Variants in RPL6 observed in about 807,000 individuals in gnomAD.
RPL6 encodes the protein ribosomal protein L6, also known as large ribosomal subunit protein eL6.
A neutral mutation model predicts 32.1 loss-of-function variants in RPL6; 1 was observed. That is an observed-to-expected ratio of 0.03 (90% CI 0.01 to 0.15). RPL6 has a LOEUF of 0.15. Among genes scored for constraint, RPL6 ranks in the 10% least tolerant of loss-of-function variants. The pLI is 1.00. For synonymous variants in RPL6, 126 were observed against 131.6 expected, an observed-to-expected ratio of 0.96 and a Z score of 0.29; for missense variants, 275 against 354.6, an observed-to-expected ratio of 0.78 and a Z score of 1.80.
intron 3 of RPL6, 67 bp from the exon 4 acceptor site, chr12:112,406,957 C>A: frequency 6.5e-7 from 1 of 1,547,232 alleles, no homozygotes; most frequent in South Asian, 1.2e-5. Context: ...CAAGCTATGT[C>A]AGCCAAACTT....
intron 5 of RPL6, 90 bp from the exon 6 acceptor site, chr12:112,406,127 AAAG>A (rs1167549073): frequency 2.4e-5 from 31 of 1,296,534 alleles, no homozygotes; most frequent in African/African-American, 8.9e-5. Context: ...GTTGCTACAC[AAAG>A]AAGACCACTT....
In RPL6 at chr12:112,408,338, C is replaced by A. The variant is rs778828793; in HGVS notation, c.238G>T (p.Val80Phe). 55 of 1,614,020 alleles carry A rather than the reference C, an allele frequency of 3.4e-5. No individual in the cohort carries two copies. Among genetic ancestry groups the A allele is most frequent in the Non-Finnish European group, 4.5e-5 (53 of 1,180,020 alleles). ...KRKYSAAKSK[V>F]EKKKKEKVLA... is the part of the protein sequence containing the mutation. ...ACCTTCTCCTTCTTTTTCTTTTCAA[C>A]CTACAAGGACACAAATGCATCAACA... is the stretch of plus-strand genomic sequence containing the variant. The change falls in exon 3 of 7, where the codon GTT (valine) becomes TTT (phenylalanine). Residue 80 changes from valine to phenylalanine, a missense_variant and splice_region_variant. Transcript: ENST00000202773.
At chr12:112,407,888 T>C (rs1296787106) in intron 3 of RPL6, 10 of 209,090 alleles carry the variant, frequency 4.8e-5, no homozygotes, top group South Asian at 2.1e-4. Context: ...ACCAGCTAAT[T>C]TGTATATTTT....
At chr12:112,411,508 G>A (rs1210658300), upstream of RPL6, 1 of 152,152 alleles carries the variant, frequency 6.6e-6, no homozygotes, top group Non-Finnish European at 1.5e-5. Flanking sequence ...AATGTCAGCA[G>A]CTTTATTTGT....
chr12:112,406,483 C>CA (rs2037172416), intron 4 of RPL6, 141 bp from the exon 5 acceptor site: 1 of 818,102 alleles, frequency 1.2e-6, no homozygotes, highest in Admixed American at 2.6e-5. Context: ...GAAGCAACCA[C>CA]AGCAAGCTAC....
chr12:112,409,607 A>G (rs778500785), upstream of RPL6: 19 of 398,128 alleles, frequency 4.8e-5, 1 homozygote, highest in South Asian at 1.0e-3. Context: ...GGGAAAGAGA[A>G]TTAAGGTCCC....
intron 3 of RPL6, chr12:112,407,264 A>G (rs934487018): frequency 5.8e-6 from 1 of 172,108 alleles, no homozygotes; most frequent in African/African-American, 2.4e-5. Flanking sequence ...TATCCTAGCC[A>G]CTTCATCTGA....
At chr12:112,414,801 A>C (rs1191575739), upstream of RPL6, among the ~76,000 whole-genome samples, 1 of 151,956 alleles carries the variant, frequency 6.6e-6, no homozygotes, top group Non-Finnish European at 1.5e-5. Context: ...GCTACTTGGG[A>C]GGCTGAGGCA....
At chr12:112,414,014 G>C (rs970032305), upstream of RPL6, among the ~76,000 whole-genome samples, 1 of 152,202 alleles carries the variant, frequency 6.6e-6, no homozygotes, top group South Asian at 2.1e-4. Flanking sequence ...AGGAGCATAG[G>C]AAAGGAGTCT....
At chr12:112,410,724 C>T (rs1225904531), upstream of RPL6, among the ~76,000 whole-genome samples, 2 of 151,726 alleles carry the variant, frequency 1.3e-5, no homozygotes, top group East Asian at 1.9e-4. Flanking sequence ...CAGGCGCACA[C>T]CACCATGCCC....
Position 112,408,432 on chromosome 12 carries a change from G to A in RPL6, c.225C>T (p.Ala75=), listed in dbSNP as rs371531172. ...RKAMYKRKYS[A]AKSKVEKKKK... ...CCTCTTCCCTTACCTTGGATTTAGC[G>A]GCTGAGTACTTCCTCTTGTACATGG... The change falls in exon 2 of 7, where the codon GCC becomes GCT. Residue 75 remains alanine, a synonymous_variant. Coordinates refer to ENST00000202773, the MANE Select transcript of RPL6 (RefSeq NM_000970.6). The A allele has an allele frequency of 6.8e-6, 11 of 1,614,004 alleles. No homozygotes were observed. The highest frequency in any genetic ancestry group is 3.3e-5 in the Admixed American group (2 of 59,990).
chr12:112,405,269 C>T lies in RPL6; in HGVS notation c.822G>A (p.Val274=), dbSNP rs781434101. Residue 274 remains valine (V), a synonymous_variant, in exon 7 of 7, where the codon GTG becomes GTA. Coordinates refer to ENST00000202773, the MANE Select transcript of RPL6 (RefSeq NM_000970.6). ...IPQLQGYLRS[V]FALTNGIYPH... ...GATAAATTCCATTCGTCAGAGCAAACACAGATCGCAGGTAGCCCTGGAGCT... is the reference window on the plus strand; with the variant it reads ...GATAAATTCCATTCGTCAGAGCAAATACAGATCGCAGGTAGCCCTGGAGCT... 6.8e-6 allele frequency: 11 copies of T among 1,606,542 alleles called. No individual in the cohort carries two copies. Among genetic ancestry groups the T allele is most frequent in the Non-Finnish European group, 9.3e-6 (11 of 1,177,978 alleles).
At chr12:112,414,731 G>A (rs530520748), upstream of RPL6, among the ~76,000 whole-genome samples, 2 of 152,104 alleles carry the variant, frequency 1.3e-5, no homozygotes, top group East Asian at 3.9e-4. Flanking sequence ...GTGAAACCCT[G>A]TCTCTACTAA....
upstream of RPL6, chr12:112,411,395 A>G (rs988024102): frequency 1.3e-5 from 2 of 152,144 alleles, no homozygotes; most frequent in African/African-American, 4.8e-5. Context: ...CACCTGCTTC[A>G]TGGCTGTGTC....
chr12:112,413,581 G>GT (rs999744758), upstream of RPL6, among the ~76,000 whole-genome samples: 3 of 151,826 alleles, frequency 2.0e-5, no homozygotes, highest in South Asian at 2.1e-4. Context: ...TCAGATTGAG[G>GT]TTTTTTTGTT....
intron 3 of RPL6, chr12:112,407,213 G>A (rs1343228076): frequency 1.3e-5 from 3 of 224,096 alleles, no homozygotes; most frequent in African/African-American, 2.3e-5. Context: ...TGCAGATTAG[G>A]GATACATGGC....
In RPL6 at chr12:112,405,358, G is replaced by T. The variant is rs1429667682; in HGVS notation, c.733C>A (p.Gln245Lys). ...TEKEKYEITE[Q>K]RKIDQKAVDS... The stretch of plus-strand genomic sequence containing the variant: ...ACAGCTTTCTGATCAATCTTGCGCT[G>T]CTCCGTAATCTCATATTTCTAAATA... Residue 245 changes from glutamine to lysine, a missense_variant, in exon 7 of 7, where the codon CAG (glutamine) becomes AAG (lysine). Coordinates refer to ENST00000202773, the MANE Select transcript of RPL6 (RefSeq NM_000970.6). 1.2e-6 allele frequency: 2 copies of T among 1,604,834 alleles called. No individual in the cohort carries two copies. The highest frequency in any genetic ancestry group is 1.7e-6 in the Non-Finnish European group (2 of 1,178,110).
intron 1 of RPL6, chr12:112,418,270 GCCCAGC>G (rs1319750483): frequency 6.6e-6 from 1 of 152,492 alleles, no homozygotes; most frequent in East Asian, 1.9e-4. Flanking sequence ...GAGCCACCGC[GCCCAGC>G]CTATTATTAT....
At chr12:112,412,594 C>A (rs569595346), upstream of RPL6, among the ~76,000 whole-genome samples, 4 of 152,152 alleles carry the variant, frequency 2.6e-5, no homozygotes, top group East Asian at 7.7e-4. Flanking sequence ...CCCACCTCAG[C>A]CCCCTGAGTA....
Sources: gnomAD v4.1 joint callset for allele counts (sites outside exome capture counted in the v4.1 genomes callset) on GRCh38, gnomAD v4.1.1 for gene constraint, MANE v1.5 for transcripts, NCBI Gene and HGNC (gene_info 2026-07-23, HGNC 2026-07-21) for gene names.